Variants in CAMTA1 observed in about 807,000 individuals in gnomAD.
CAMTA1 encodes calmodulin binding transcription activator 1, also known as calmodulin-binding transcription activator 1.
A neutral mutation model predicts 170.9 loss-of-function variants in CAMTA1; 27 were observed. That is an observed-to-expected ratio of 0.16 (90% confidence interval 0.12 to 0.22). CAMTA1 has a LOEUF of 0.22. Ranked by LOEUF, CAMTA1 falls within the 10% of genes least tolerant of loss-of-function variation. The pLI, the probability that CAMTA1 is intolerant of heterozygous loss-of-function variation, is 1.00. For missense variants in CAMTA1, 1,619 were observed against 2,217.2 expected, an observed-to-expected ratio of 0.73 and a Z score of 5.42; for synonymous variants, 833 against 891.5, an observed-to-expected ratio of 0.93 and a Z score of 1.17.
At chr1:7,189,317 G>A (rs1240719727) in intron 4 of CAMTA1, among the ~76,000 whole-genome samples, 1 of 152,108 alleles carries the variant, frequency 6.6e-6, no homozygotes, top group African/African-American at 2.4e-5. Context: ...GTAAGTGCTG[G>A]CATTGAGTGA....
intron 12 of CAMTA1, among the ~76,000 whole-genome samples, chr1:7,735,431 C>T (rs201422233): frequency 3.5e-5 from 5 of 141,194 alleles, no homozygotes; most frequent in East Asian, 4.1e-4. Flanking sequence ...GGTGACAGAG[C>T]GAGACTCTGT....
chr1:7,758,865 G>A (rs1247035212), intron 22 of CAMTA1, among the ~76,000 whole-genome samples: 1 of 151,028 alleles, frequency 6.6e-6, no homozygotes, highest in African/African-American at 2.4e-5. Context: ...AATCCGGGAG[G>A]CGGAGCTTGC....
chr1:7,111,789 G>A (rs904554783), intron 4 of CAMTA1, among the ~76,000 whole-genome samples: 5 of 150,062 alleles, frequency 3.3e-5, no homozygotes, highest in Admixed American at 6.8e-5. Flanking sequence ...GGAGGCTGAA[G>A]CAGGAGAATC....
At chr1:7,509,889 G>C (rs1216367836) in intron 6 of CAMTA1, among the ~76,000 whole-genome samples, 1 of 151,874 alleles carries the variant, frequency 6.6e-6, no homozygotes, top group Non-Finnish European at 1.5e-5. Flanking sequence ...GATTTTCCAT[G>C]AGTTCACAAG....
intron 5 of CAMTA1, among the ~76,000 whole-genome samples, chr1:7,406,645 C>A (rs2090313371): frequency 6.6e-6 from 1 of 152,030 alleles, no homozygotes; most frequent in Admixed American, 6.6e-5. Flanking sequence ...CACGAGCACA[C>A]ACACGCACAC....
intron 3 of CAMTA1, among the ~76,000 whole-genome samples, chr1:6,897,815 A>G (rs1019173065): frequency 3.3e-5 from 5 of 152,240 alleles, no homozygotes; most frequent in Non-Finnish European, 5.9e-5. Context: ...AATGTTAGTA[A>G]GGGAAAAGTA....
intron 6 of CAMTA1, among the ~76,000 whole-genome samples, chr1:7,620,031 C>A (rs1451621646): frequency 6.6e-6 from 1 of 152,120 alleles, no homozygotes; most frequent in Non-Finnish European, 1.5e-5. Flanking sequence ...TGGGCCCTCC[C>A]AGAATAGACC....
chr1:7,159,135 G>T (rs1187453921), intron 4 of CAMTA1, among the ~76,000 whole-genome samples: 1 of 151,952 alleles, frequency 6.6e-6, no homozygotes, highest in Non-Finnish European at 1.5e-5. Flanking sequence ...CAGGAGTAGG[G>T]CAGTTCTGTT....
chr1:7,197,678 A>ACACACACACACAC (rs57819326), intron 4 of CAMTA1, among the ~76,000 whole-genome samples: 1 of 139,136 alleles, frequency 7.2e-6, no homozygotes, highest in African/African-American at 2.6e-5. Flanking sequence ...ACACACACAC[A>ACACACACACACAC]ATCTACTTGC....
intron 6 of CAMTA1, among the ~76,000 whole-genome samples, chr1:7,555,491 G>T (rs1325959745): frequency 6.6e-6 from 1 of 151,998 alleles, no homozygotes. Context: ...CCAGAGCTGT[G>T]CCCTCCCCAA....
intron 6 of CAMTA1, among the ~76,000 whole-genome samples, chr1:7,594,210 G>GAAGA (rs1383356876): frequency 4.7e-5 from 7 of 148,662 alleles, no homozygotes; most frequent in African/African-American, 1.8e-4. Context: ...GGGAAGGAAG[G>GAAGA]AAGGAAGGAA....
chr1:7,174,814 G>A (rs1272618904), intron 4 of CAMTA1, among the ~76,000 whole-genome samples: 2 of 152,192 alleles, frequency 1.3e-5, no homozygotes, highest in Non-Finnish European at 2.9e-5. Flanking sequence ...CCACGGCCCA[G>A]GCGAGGCAGA....
intron 3 of CAMTA1, among the ~76,000 whole-genome samples, chr1:6,998,108 C>G (rs1026038690): frequency 6.6e-6 from 1 of 150,456 alleles, no homozygotes; most frequent in Admixed American, 6.6e-5. Context: ...GATGGAGTCT[C>G]GCTCTGTCAC....
chr1:7,234,056 C>T lies in CAMTA1; in HGVS notation c.303-15435C>T, dbSNP rs1219236107. Among the ~76,000 whole-genome samples, 8 of 152,216 alleles carry T rather than the reference C, an allele frequency of 5.3e-5. No homozygotes were observed. The highest frequency in any genetic ancestry group is 8.8e-5 in the Non-Finnish European group (6 of 68,044). ...AAGATTGGAGTCCTCGCTTTTCCTT[C>T]ATCGCTGTTAATACACGTGTACCCT... On this transcript the variant is annotated intron_variant, in intron 4 of 22. Coordinates refer to ENST00000303635, the MANE Select transcript of CAMTA1 (RefSeq NM_015215.4). The surrounding 1 kb of genome is among the most constrained non-coding windows in gnomAD (Gnocchi z 5.0).
intron 3 of CAMTA1, among the ~76,000 whole-genome samples, chr1:7,022,267 TACCTTTGATGCTGGGGGAAGG>T (rs2100969946): frequency 1.3e-5 from 2 of 152,276 alleles, no homozygotes; most frequent in South Asian, 4.1e-4. Flanking sequence ...CCCAGCAGGG[TACCTTTGATGCTGGGGGAAGG>T]ACTCTTTATG....
chr1:7,553,212 T>G (rs2094828818), intron 6 of CAMTA1, among the ~76,000 whole-genome samples: 1 of 149,622 alleles, frequency 6.7e-6, no homozygotes, highest in Non-Finnish European at 1.5e-5. Context: ...AATGAGTGAA[T>G]AAGTGAGTGA....
Position 6,820,164 on chromosome 1 carries a change from A to G in CAMTA1, c.46-17A>G, listed in dbSNP as rs1646323789. On this transcript the variant is annotated splice_polypyrimidine_tract_variant and intron_variant, in intron 1 of 22. Coordinates refer to ENST00000303635, the MANE Select transcript of CAMTA1 (RefSeq NM_015215.4). ...TTTTGAAAGATTAGTTTTACATTTT[A>G]TTTTCTGTTTCCTTAGAGCGTTTCC... is the stretch of plus-strand genomic sequence containing the variant. 4 of 1,388,948 alleles carry G rather than the reference A, an allele frequency of 2.9e-6. No individual in the cohort carries two copies. Among genetic ancestry groups the G allele is most frequent in the Non-Finnish European group, 4.1e-6 (4 of 974,558 alleles). 86.0% of individuals were successfully genotyped at this position (1,388,948 alleles called of 1,614,324 possible).
rs75046191 is a variant in CAMTA1 at position 7,250,757 on chromosome 1, A to G, written c.438+1131A>G. Among the ~76,000 whole-genome samples the G allele has an allele frequency of 1.0e-2, 1,521 of 152,304 alleles. 28 individuals carry two copies. The highest frequency in any genetic ancestry group is 0.036 in the African/African-American group (1,477 of 41,550). On this transcript the variant is annotated intron_variant, in intron 5 of 22. Coordinates refer to ENST00000303635, the MANE Select transcript of CAMTA1 (RefSeq NM_015215.4). ...TGTTTTTTTTAAATACCTAATAACA[A>G]TGCTTTATGGAGATGCAAAAAGAAA... is the stretch of plus-strand genomic sequence containing the variant.
intron 4 of CAMTA1, among the ~76,000 whole-genome samples, chr1:7,126,583 G>A (rs17349997): frequency 6.6e-6 from 1 of 152,016 alleles, no homozygotes; most frequent in Non-Finnish European, 1.5e-5. Flanking sequence ...AAAATACAAG[G>A]GTTCCTATTG....
Sources: allele counts gnomAD v4.1 joint callset (sites outside exome capture counted in the v4.1 genomes callset), GRCh38; gene constraint gnomAD v4.1.1; non-coding constraint Gnocchi (gnomAD v3.1); transcripts MANE v1.5; gene names NCBI Gene and HGNC (gene_info 2026-07-23, HGNC 2026-07-21).